Variants in AMOT observed in about 807,000 individuals in gnomAD.
AMOT encodes the protein angiomotin.
AMOT carries 11 observed loss-of-function variants against 67.0 expected under a neutral mutation model. That is an observed-to-expected ratio of 0.16 (90% CI 0.10 to 0.27). AMOT has a LOEUF of 0.27. AMOT is among the 10% of genes least tolerant of loss of function. The pLI is 1.00. For synonymous variants in AMOT, 326 were observed against 321.4 expected (o/e 1.01, Z -0.15); for missense variants, 753 against 852.0 (o/e 0.88, Z 1.45).
At position 112,779,292 on chromosome X, in the gene AMOT, G is replaced by A. The variant is rs377391515; in HGVS notation, c.2862C>T (p.Ala954=). Residue 954 remains alanine, a synonymous_variant, in exon 13 of 14, where the codon GCC becomes GCT. Coordinates refer to ENST00000371959, the MANE Select transcript of AMOT (RefSeq NM_001113490.2). ...AGQIPAAASV[A]SAAAVAPSAA... is the part of the protein sequence containing the mutation. ...CAGAAGGAGCAACGGCAGCAGCTGA[G>A]GCAACAGAGGCAGCAGCTGGAATCT... 1.5e-5 allele frequency: 10 copies of A among 662,184 alleles called. No individual in the cohort carries two copies. Among genetic ancestry groups the A allele is most frequent in the Non-Finnish European group, 2.2e-5 (9 of 411,022 alleles). The allele number at this position is 662,184 out of a possible 1,213,427, so 54.6% of individuals were successfully genotyped here.
chrX:112,813,743 A>G (rs1438465881), intron 5 of AMOT, among the ~76,000 whole-genome samples: 2 of 111,746 alleles, frequency 1.8e-5, no homozygotes, highest in Non-Finnish European at 3.8e-5. Flanking sequence ...CACCATGAAG[A>G]GAGAGTTTGG....
intron 8 of AMOT, 42 bp downstream of exon 8, chrX:112,804,905 C>CCCCCCCCCCCCCCG: frequency 9.9e-7 from 1 of 1,012,529 alleles, no homozygotes; most frequent in Non-Finnish European, 1.4e-6. Context: ...ATTTCCCAGC[C>CCCCCCCCCCCCCCG]CTCCCACCCC....
chrX:112,793,635 A>T (rs994775585), intron 8 of AMOT, among the ~76,000 whole-genome samples: 3 of 112,421 alleles, frequency 2.7e-5, no homozygotes, highest in Non-Finnish European at 5.6e-5. Context: ...TTGCCTAGGT[A>T]ACTGGCAAAC....
At position 112,783,168 on chromosome X, in the gene AMOT, G is replaced by A. The variant is rs191609346; in HGVS notation, c.2118-506C>T. On this transcript the variant is annotated intron_variant, in intron 10 of 13. Transcript: ENST00000371959. ...AAATTAGCCAGGCATGGTGGTGCAC[G>A]CCTGTAATCCCCGCTATCTGGGAGG... 5.4e-3 allele frequency among the ~76,000 whole-genome samples: 584 copies of A among 109,138 alleles called. 1 individual carries two copies. The highest frequency in any genetic ancestry group is 0.018 in the African/African-American group (552 of 29,845). The allele number at this position is 109,138 out of a possible 115,157, so 94.8% of individuals were successfully genotyped here.
chrX:112,833,306 C>G (rs1935043416), intron 1 of AMOT, among the ~76,000 whole-genome samples: 2 of 110,992 alleles, frequency 1.8e-5, no homozygotes, highest in Non-Finnish European at 3.8e-5. Flanking sequence ...TAAAAAGAAC[C>G]TGCTAGAAAT....
Position 112,782,573 on chromosome X carries a change from A to T in AMOT, c.2207T>A (p.Met736Lys), listed in dbSNP as rs769628492. ...CATGTCAAGGCAACGCTTATTGGCCATCAAGATTTCTTCCTCCTCTTTCTG... is the reference window on the plus strand; with the variant it reads ...CATGTCAAGGCAACGCTTATTGGCCTTCAAGATTTCTTCCTCCTCTTTCTG... ...RIQKEEEEIL[M>K]ANKRCLDMEG... Residue 736 changes from methionine to lysine, a missense_variant, in exon 11 of 14, where the codon ATG becomes AAG. By Grantham distance (95) the Met-to-Lys change is moderately conservative. This residue lies in a region of AMOT where 269 missense variants were observed against 300.9 expected (regional missense o/e 0.89). Transcript: ENST00000371959. 2.5e-6 allele frequency: 3 copies of T among 1,211,956 alleles called. No individual in the cohort carries two copies. The highest frequency in any genetic ancestry group is 3.3e-6 in the Non-Finnish European group (3 of 895,529).
At chrX:112,816,204 T>C (rs1032320003) in intron 4 of AMOT, among the ~76,000 whole-genome samples, 5 of 111,780 alleles carry the variant, frequency 4.5e-5, no homozygotes, top group African/African-American at 1.6e-4. Flanking sequence ...AGTCTAAACA[T>C]TTCAAACGAT....
intron 8 of AMOT, among the ~76,000 whole-genome samples, chrX:112,800,562 T>C (rs944499737): frequency 3.6e-5 from 4 of 112,399 alleles, no homozygotes; most frequent in African/African-American, 1.3e-4. Flanking sequence ...TATTTTGGAG[T>C]ATTAGACATA....
intron 2 of AMOT, among the ~76,000 whole-genome samples, chrX:112,828,082 T>C (rs1304272888): frequency 2.7e-5 from 3 of 111,083 alleles, no homozygotes; most frequent in African/African-American, 9.9e-5. Flanking sequence ...CCCCAGTAAA[T>C]TCTTATGTTC....
rs753956409 is a variant in AMOT, at chrX:112,781,332, C to T, written c.2241-214G>A. 3.8e-5 allele frequency among the ~76,000 whole-genome samples: 4 copies of T among 106,627 alleles called. No individual in the cohort carries two copies. The East Asian group carries it at 1.2e-3, about 33-fold the overall frequency. 92.6% of individuals were successfully genotyped at this position (106,627 alleles called of 115,157 possible). A position where few individuals can be genotyped will look rare whatever the true frequency, so the allele number is the denominator to read the frequency against. Reference sequence around the variant, plus strand: ...GCAGGCGCCTATAGTCCCAGCTACTCGGGAGGCCGAGGCAGGAGAATCACT... The same window carrying T: ...GCAGGCGCCTATAGTCCCAGCTACTTGGGAGGCCGAGGCAGGAGAATCACT... On this transcript the variant is annotated intron_variant, in intron 11 of 13. Coordinates refer to ENST00000371959, the MANE Select transcript of AMOT (RefSeq NM_001113490.2).
intron 1 of AMOT, among the ~76,000 whole-genome samples, chrX:112,835,332 AG>A (rs1270568169): frequency 9.0e-6 from 1 of 111,358 alleles, no homozygotes; most frequent in African/African-American, 3.3e-5. Context: ...CAAGAGTGAA[AG>A]TGCCTTTACA....
intron 8 of AMOT, among the ~76,000 whole-genome samples, chrX:112,801,190 C>G (rs1454286593): frequency 1.8e-5 from 2 of 111,511 alleles, no homozygotes; most frequent in Non-Finnish European, 3.8e-5. Context: ...TGCCAGACAT[C>G]CATCGAAAAT....
At chrX:112,836,055 G>A (rs1419875805) in intron 1 of AMOT, among the ~76,000 whole-genome samples, 2 of 111,925 alleles carry the variant, frequency 1.8e-5, no homozygotes, top group African/African-American at 6.5e-5. Flanking sequence ...AAAATCCTTA[G>A]TTTCTTTGCT....
intron 1 of AMOT, among the ~76,000 whole-genome samples, chrX:112,839,201 ACAG>A (rs1935221739): frequency 8.9e-6 from 1 of 112,659 alleles, no homozygotes; most frequent in Non-Finnish European, 1.9e-5. Flanking sequence ...ACCATCACTT[ACAG>A]GCTTGACGCA....
In AMOT at chrX:112,781,081, C is replaced by T; in HGVS notation, c.2278G>A (p.Ala760Thr). The part of the protein sequence containing the change: ...TLHAQIIEKD[A>T]MIKVLQQRSR... ...CGCTGCTGGAGTACTTTGATCATGGCATCCTTCTCAATAATCTGGGCATGG... is the reference window on the plus strand; with the variant it reads ...CGCTGCTGGAGTACTTTGATCATGGTATCCTTCTCAATAATCTGGGCATGG... The change falls in exon 12 of 14, where the codon GCC becomes ACC. Residue 760 changes from alanine to threonine, a missense_variant. By Grantham distance (58) the Ala-to-Thr change is moderately conservative. Coordinates refer to ENST00000371959, the MANE Select transcript of AMOT (RefSeq NM_001113490.2). 8.3e-7 allele frequency: 1 copy of T among 1,211,887 alleles called. No homozygotes were observed. The highest frequency in any genetic ancestry group is 1.1e-6 in the Non-Finnish European group (1 of 895,549).
At chrX:112,828,058 C>T (rs1803715233) in intron 2 of AMOT, among the ~76,000 whole-genome samples, 1 of 111,401 alleles carries the variant, frequency 9.0e-6, no homozygotes, top group Non-Finnish European at 1.9e-5. Flanking sequence ...CATAACCTCT[C>T]ACAAAAAGTG....
At position 112,778,256 on chromosome X, in the gene AMOT, C is replaced by A. The variant is rs1043543059; in HGVS notation, c.*311G>T. ...TGATCTAGAATATGGAAAATTTAAACAAATTTAAGCACATTGAAAACGTCG... is the reference window on the plus strand; with the variant it reads ...TGATCTAGAATATGGAAAATTTAAAAAAATTTAAGCACATTGAAAACGTCG... On this transcript the variant is annotated 3_prime_UTR_variant, in exon 14 of 14. Coordinates refer to ENST00000371959, the MANE Select transcript of AMOT (RefSeq NM_001113490.2). 8.6e-5 allele frequency: 14 copies of A among 163,269 alleles called. No homozygotes were observed. The highest frequency in any genetic ancestry group is 2.3e-5 in the Non-Finnish European group (2 of 85,750). The allele number at this position is 163,269 out of a possible 1,213,427, so 13.5% of individuals were successfully genotyped here. A position where few individuals can be genotyped will look rare whatever the true frequency, so the allele number is the denominator to read the frequency against.
chrX:112,798,526 T>C (rs1039532250), intron 8 of AMOT, among the ~76,000 whole-genome samples: 9 of 112,311 alleles, frequency 8.0e-5, no homozygotes, highest in Non-Finnish European at 1.5e-4. Flanking sequence ...CCCTTCTATT[T>C]TCCTTGGTGT....
At chrX:112,800,612 G>A (rs182464993) in intron 8 of AMOT, among the ~76,000 whole-genome samples, 2 of 112,281 alleles carry the variant, frequency 1.8e-5, no homozygotes, top group African/African-American at 6.5e-5. Context: ...TAATATCAGG[G>A]AAGCAGGAAA....
Sources: allele counts gnomAD v4.1 joint callset (sites outside exome capture counted in the v4.1 genomes callset), GRCh38; gene constraint gnomAD v4.1.1; regional missense constraint gnomAD v4.1.1; transcripts MANE v1.5; gene names NCBI Gene and HGNC (gene_info 2026-07-23, HGNC 2026-07-21).